SP4: variants seen among roughly 807,000 people sequenced by gnomAD.
The protein encoded by SP4 is transcription factor Sp4.
Under a neutral mutation model 72.8 loss-of-function variants are expected in SP4, and 19 were observed. That is an observed-to-expected ratio of 0.26 (90% CI 0.18 to 0.38). The LOEUF (loss-of-function observed/expected upper bound fraction) is 0.38. Ranked by LOEUF, SP4 falls within the 10% of genes least tolerant of loss-of-function variation. SP4 has a pLI of 1.00. For missense variants in SP4, 1,008 were observed against 926.3 expected, an observed-to-expected ratio of 1.09 and a Z score of -1.14; for synonymous variants, 395 against 333.1, an observed-to-expected ratio of 1.19 and a Z score of -2.02.
At position 21,513,546 on chromosome 7, in the gene SP4, A is replaced by G. The variant is rs549150840; in HGVS notation, c.*2277A>G. 6.6e-6 allele frequency: 1 copy of G among 152,622 alleles called. No individual in the cohort carries two copies. 9.5% of individuals were successfully genotyped at this position (152,622 alleles called of 1,614,324 possible). On this transcript the variant is annotated 3_prime_UTR_variant, in exon 6 of 6. Coordinates refer to ENST00000222584, the MANE Select transcript of SP4 (RefSeq NM_003112.5). ...ATAGGAGCTGAAACATCAAATATAT[A>G]TTTTATCTATCATTATGCTACACAA...
intron 3 of SP4, among the ~76,000 whole-genome samples, chr7:21,464,129 T>G (rs1278274683): frequency 6.7e-6 from 1 of 149,484 alleles, no homozygotes; most frequent in Non-Finnish European, 1.5e-5. Context: ...TCTCTTTTTT[T>G]TTTTTTTTTT....
intron 5 of SP4, among the ~76,000 whole-genome samples, chr7:21,501,983 A>C (rs1287613666): frequency 6.6e-6 from 1 of 151,004 alleles, no homozygotes; most frequent in African/African-American, 2.4e-5. Context: ...TGACCACCAG[A>C]AGAGTGCTGA....
At chr7:21,484,391 G>T (rs1784761449) in intron 5 of SP4, among the ~76,000 whole-genome samples, 1 of 151,774 alleles carries the variant, frequency 6.6e-6, no homozygotes, top group East Asian at 1.9e-4. Context: ...TCTACTTGTG[G>T]GATCGTGTCA....
At chr7:21,434,992 C>G (rs6461561) in intron 3 of SP4, among the ~76,000 whole-genome samples, 115,612 of 152,088 alleles carry the variant, frequency 0.76, 44,607 homozygotes, top group East Asian at 0.92. Flanking sequence ...ATGTCTTCTA[C>G]TAGTCAAAGA....
chr7:21,498,529 G>T (rs1178359564), intron 5 of SP4, among the ~76,000 whole-genome samples: 1 of 152,106 alleles, frequency 6.6e-6, no homozygotes, highest in Non-Finnish European at 1.5e-5. Context: ...TAAGGTAGGG[G>T]TGTTTCAGGA....
At chr7:21,467,318 AT>A (rs932901009) in intron 3 of SP4, among the ~76,000 whole-genome samples, 118 of 151,734 alleles carry the variant, frequency 7.8e-4, no homozygotes, top group African/African-American at 2.7e-3. Context: ...TTAAAAAAAA[AT>A]TTTTTTTTAA....
intron 3 of SP4, among the ~76,000 whole-genome samples, chr7:21,432,500 C>T (rs748120328): frequency 5.9e-5 from 9 of 152,178 alleles, no homozygotes; most frequent in African/African-American, 9.7e-5. Context: ...TTTTTCTGCT[C>T]TCTAGTTGAT....
At chr7:21,478,518 T>C (rs1015132668) in intron 4 of SP4, among the ~76,000 whole-genome samples, 1 of 151,888 alleles carries the variant, frequency 6.6e-6, no homozygotes, top group Admixed American at 6.6e-5. Flanking sequence ...TCTCTCTAGA[T>C]CATTGCCAGT....
Position 21,428,590 on chromosome 7 carries a change from G to T in SP4, c.8-87G>T, listed in dbSNP as rs1300619495. The T allele has an allele frequency of 6.1e-6, 8 of 1,305,986 alleles. No homozygotes were observed. The Admixed American group carries it at 7.3e-5, about 12-fold the overall frequency. The allele number at this position is 1,305,986 out of a possible 1,614,324, so 80.9% of individuals were successfully genotyped here. A position where few individuals can be genotyped will look rare whatever the true frequency, so the allele number is the denominator to read the frequency against. On this transcript the variant is annotated intron_variant, in intron 1 of 5. Transcript: ENST00000222584. ...TTATGGAGATTAATGTTCGGGGGGA[G>T]GGGGGAGAAGAGGAGAGGAAGAAGA...
Position 21,511,398 on chromosome 7 carries a change from C to G in SP4, c.*129C>G, listed in dbSNP as rs907191370. 2.0e-5 allele frequency: 20 copies of G among 996,800 alleles called. No individual in the cohort carries two copies. In the Admixed American group the frequency reaches 3.8e-4, roughly 19 times the overall value. 61.7% of individuals were successfully genotyped at this position (996,800 alleles called of 1,614,324 possible). A position where few individuals can be genotyped will look rare whatever the true frequency, so the allele number is the denominator to read the frequency against. On this transcript the variant is annotated 3_prime_UTR_variant, in exon 6 of 6. Transcript: ENST00000222584. ...TTCATTCTTGGCTTCTTTAAGTATT[C>G]CAGGGTTTGGGGTCAACACGTGAAG...
At chr7:21,481,350 G>A (rs1375988422) in intron 4 of SP4, among the ~76,000 whole-genome samples, 2 of 152,192 alleles carry the variant, frequency 1.3e-5, no homozygotes, top group Non-Finnish European at 1.5e-5. Context: ...GAGGAAGTAG[G>A]GAAGGGGAGA....
At chr7:21,461,388 G>A (rs2128402253) in intron 3 of SP4, among the ~76,000 whole-genome samples, 1 of 152,350 alleles carries the variant, frequency 6.6e-6, no homozygotes, top group Middle Eastern at 3.4e-3. Context: ...CTCGCGGGGA[G>A]GCAGCTAAGG....
chr7:21,464,380 G>A (rs934752628), intron 3 of SP4, among the ~76,000 whole-genome samples: 140 of 152,146 alleles, frequency 9.2e-4, no homozygotes, highest in African/African-American at 3.3e-3. Context: ...ACAGGCGTGA[G>A]CCACTGCGCC....
chr7:21,481,414 T>C (rs1784683818), intron 4 of SP4, among the ~76,000 whole-genome samples: 2 of 152,360 alleles, frequency 1.3e-5, no homozygotes, highest in Middle Eastern at 3.4e-3. Flanking sequence ...TCTGTGAGAT[T>C]TTCTTGAATA....
intron 5 of SP4, among the ~76,000 whole-genome samples, chr7:21,501,970 A>T (rs1312170561): frequency 6.7e-6 from 1 of 149,114 alleles, no homozygotes; most frequent in African/African-American, 2.5e-5. Flanking sequence ...CATTCTTAAT[A>T]GTTGACCACC....
intron 4 of SP4, among the ~76,000 whole-genome samples, chr7:21,479,284 T>C (rs2128410371): frequency 6.6e-6 from 1 of 151,350 alleles, no homozygotes; most frequent in East Asian, 2.0e-4. Flanking sequence ...TTTAAGATAA[T>C]TTTATAGTTT....
At chr7:21,461,596 G>A (rs1017908823) in intron 3 of SP4, among the ~76,000 whole-genome samples, 11 of 152,130 alleles carry the variant, frequency 7.2e-5, no homozygotes, top group South Asian at 2.1e-4. Context: ...CAAACACCGC[G>A]CGCAGCCCCG....
intron 3 of SP4, among the ~76,000 whole-genome samples, chr7:21,447,797 T>A (rs1783474266): frequency 1.3e-5 from 2 of 152,158 alleles, no homozygotes; most frequent in Admixed American, 1.3e-4. Context: ...GATTCTCTTG[T>A]GTCAGCCTCC....
chr7:21,434,527 T>C (rs1430887288), intron 3 of SP4, among the ~76,000 whole-genome samples: 1 of 152,212 alleles, frequency 6.6e-6, no homozygotes, highest in Non-Finnish European at 1.5e-5. Flanking sequence ...AGAATTGTAG[T>C]AGGAACTAAA....
Sources: gnomAD v4.1 joint callset for allele counts (sites outside exome capture counted in the v4.1 genomes callset) on GRCh38, gnomAD v4.1.1 for gene constraint, MANE v1.5 for transcripts, NCBI Gene and HGNC (gene_info 2026-07-23, HGNC 2026-07-21) for gene names.